Variants in SLC22A15 observed in about 807,000 individuals in gnomAD.
SLC22A15 encodes the protein flipt 1.
A neutral mutation model predicts 62.7 loss-of-function variants in SLC22A15; 45 were observed. The observed-to-expected ratio is 0.72, with a 90% CI of 0.56 to 0.92. The LOEUF (loss-of-function observed/expected upper bound fraction) is 0.92, where lower values mean the gene tolerates loss of function less well. Ranked by LOEUF, SLC22A15 falls within the 40% of genes least tolerant of loss-of-function variation. The pLI is 0.00. For synonymous variants in SLC22A15, 264 were observed against 267.0 expected (o/e 0.99, Z 0.11); for missense variants, 622 against 665.6 (o/e 0.93, Z 0.72).
intron 10 of SLC22A15, 59 bp downstream of exon 10, chr1:116,064,567 C>A: frequency 1.7e-6 from 2 of 1,146,438 alleles, no homozygotes; most frequent in East Asian, 2.3e-5. Flanking sequence ...AATGCTTATG[C>A]TTTTTAGTAG....
chr1:115,990,054 T>C (rs553861978), intron 1 of SLC22A15, among the ~76,000 whole-genome samples: 40 of 152,344 alleles, frequency 2.6e-4, no homozygotes, highest in South Asian at 1.0e-3. Context: ...AAATGGTTCA[T>C]GCTCTCAAAA....
rs1658566591 is a variant in SLC22A15 at position 116,069,395 on chromosome 1, A to G, written c.*2287A>G. On this transcript the variant is annotated 3_prime_UTR_variant, in exon 12 of 12. Transcript: ENST00000369503. ...ATATTTGCATTGATTAAATTATTGG[A>G]AAACTTTTCATTGACAGGTAATGTA... 1 of 152,198 alleles carries G rather than the reference A, an allele frequency of 6.6e-6. No individual in the cohort carries two copies. The highest frequency in any genetic ancestry group is 2.4e-5 in the African/African-American group (1 of 41,466). 9.4% of individuals were successfully genotyped at this position (152,198 alleles called of 1,614,324 possible).
intron 8 of SLC22A15, among the ~76,000 whole-genome samples, chr1:116,047,842 G>A (rs1365216309): frequency 6.6e-6 from 1 of 152,104 alleles, no homozygotes. Context: ...GATACAAGAA[G>A]TGAAGGGAGA....
At chr1:116,005,084 A>G (rs1336403828) in intron 2 of SLC22A15, among the ~76,000 whole-genome samples, 1 of 152,178 alleles carries the variant, frequency 6.6e-6, no homozygotes, top group Non-Finnish European at 1.5e-5. Context: ...CTCAGTCATT[A>G]TAGAGATTTG....
chr1:116,034,544 C>T (rs1408288779), intron 6 of SLC22A15, among the ~76,000 whole-genome samples: 1 of 152,126 alleles, frequency 6.6e-6, no homozygotes, highest in African/African-American at 2.4e-5. Flanking sequence ...CTCGGTTGTT[C>T]CTCCTAGAAG....
At chr1:115,984,290 T>C (rs1654751044) in intron 1 of SLC22A15, among the ~76,000 whole-genome samples, 1 of 152,176 alleles carries the variant, frequency 6.6e-6, no homozygotes, top group Non-Finnish European at 1.5e-5. Flanking sequence ...CTGAGTTTTG[T>C]TTTCATTAAC....
At chr1:116,031,761 T>C (rs1016310625) in intron 6 of SLC22A15, 180 bp downstream of exon 6, 5 of 1,429,130 alleles carry the variant, frequency 3.5e-6, no homozygotes, top group Non-Finnish European at 4.6e-6. Context: ...CAGCCCCGTC[T>C]TTCTCAAGTA....
intron 6 of SLC22A15, among the ~76,000 whole-genome samples, chr1:116,033,101 A>G (rs1657485757): frequency 6.6e-6 from 1 of 152,086 alleles, no homozygotes; most frequent in Non-Finnish European, 1.5e-5. Context: ...CACTCCACAT[A>G]TTGCCGTTCT....
Position 115,992,104 on chromosome 1 carries a change from A to G in SLC22A15, c.161A>G (p.Glu54Gly), listed in dbSNP as rs1413155507. 2 of 1,613,976 alleles carry G rather than the reference A, an allele frequency of 1.2e-6. No individual in the cohort carries two copies. The highest frequency in any genetic ancestry group is 1.1e-5 in the South Asian group (1 of 91,068). ...ATPSYHWDLA[E>G]LLPNQSHGNQ... Reference sequence around the variant, plus strand: ...CCATCCTACCACTGGGACCTGGCAGAGCTCCTGCCAAATCAGAGCCACGGT... The same window carrying G: ...CCATCCTACCACTGGGACCTGGCAGGGCTCCTGCCAAATCAGAGCCACGGT... Residue 54 changes from glutamate (E) to glycine (G), a missense_variant, in exon 2 of 12, where the codon GAG (glutamate) becomes GGG (glycine). Coordinates refer to ENST00000369503, the MANE Select transcript of SLC22A15 (RefSeq NM_018420.3).
chr1:116,047,995 G>A (rs893127354), intron 8 of SLC22A15, among the ~76,000 whole-genome samples: 1 of 152,050 alleles, frequency 6.6e-6, no homozygotes, highest in Non-Finnish European at 1.5e-5. Flanking sequence ...AAAGCTCTAA[G>A]ACAAGGTTTT....
Position 116,068,527 on chromosome 1 carries a change from A to G in SLC22A15, c.*1419A>G, listed in dbSNP as rs1025481730. ...CACTGTATCAGTATGTACCTTTGTA[A>G]TTGTTATTTTTATGTCTTTTATGCC... is the stretch of plus-strand genomic sequence containing the variant. On this transcript the variant is annotated 3_prime_UTR_variant, in exon 12 of 12. Coordinates refer to ENST00000369503, the MANE Select transcript of SLC22A15 (RefSeq NM_018420.3). 6.6e-6 allele frequency: 1 copy of G among 152,180 alleles called. No individual in the cohort carries two copies. The highest frequency in any genetic ancestry group is 6.5e-5 in the Admixed American group (1 of 15,278). 9.4% of individuals were successfully genotyped at this position (152,180 alleles called of 1,614,324 possible).
At chr1:116,051,626 GA>G (rs1557906029) in intron 8 of SLC22A15, among the ~76,000 whole-genome samples, 1 of 152,034 alleles carries the variant, frequency 6.6e-6, no homozygotes, top group African/African-American at 2.4e-5. Context: ...GATAACCTTG[GA>G]AAAACCCTTC....
At position 116,064,339 on chromosome 1, in the gene SLC22A15, C is replaced by T. The variant is rs572302318; in HGVS notation, c.1293-97C>T. ...TGTTCTCTAGGATCCTGTGCTTCCA[C>T]TTCAGGACATGTTATTCAAGGCCCG... is the stretch of plus-strand genomic sequence containing the variant. On this transcript the variant is annotated intron_variant, in intron 9 of 11. Coordinates refer to ENST00000369503, the MANE Select transcript of SLC22A15 (RefSeq NM_018420.3). The T allele has an allele frequency of 6.9e-5, 56 of 812,618 alleles. No homozygotes were observed. The African/African-American group carries it at 8.4e-4, about 12-fold the overall frequency. 50.3% of individuals were successfully genotyped at this position (812,618 alleles called of 1,614,324 possible).
chr1:115,981,240 C>G (rs376981209), intron 1 of SLC22A15, among the ~76,000 whole-genome samples: 1 of 152,250 alleles, frequency 6.6e-6, no homozygotes, highest in East Asian at 1.9e-4. Flanking sequence ...AACTGTCATC[C>G]CCAGGATGTT....
intron 2 of SLC22A15, among the ~76,000 whole-genome samples, chr1:115,992,486 C>T (rs1655200217): frequency 6.6e-6 from 1 of 152,020 alleles, no homozygotes; most frequent in Admixed American, 6.6e-5. Flanking sequence ...ATACAAACTC[C>T]AAAAGAACAG....
intron 2 of SLC22A15, among the ~76,000 whole-genome samples, chr1:116,005,560 T>A (rs1282640014): frequency 6.6e-6 from 1 of 152,212 alleles, no homozygotes; most frequent in Non-Finnish European, 1.5e-5. Context: ...AAAAACTGTC[T>A]TGCAGGCTTG....
chr1:116,012,664 T>C (rs936326803), intron 2 of SLC22A15, among the ~76,000 whole-genome samples: 5 of 152,208 alleles, frequency 3.3e-5, no homozygotes, highest in African/African-American at 1.2e-4. Flanking sequence ...AGATACACGC[T>C]GAAACAAAAG....
chr1:116,052,401 G>A (rs890520574), intron 8 of SLC22A15, among the ~76,000 whole-genome samples: 12 of 152,242 alleles, frequency 7.9e-5, no homozygotes, highest in Non-Finnish European at 5.9e-5. Context: ...CGGGAAGCTC[G>A]AACTGGGTGG....
intron 4 of SLC22A15, among the ~76,000 whole-genome samples, chr1:116,022,227 G>T (rs1356818754): frequency 6.6e-6 from 1 of 152,118 alleles, no homozygotes; most frequent in African/African-American, 2.4e-5. Context: ...AAGCCTTTTT[G>T]GAACTGGTCC....
Sources: gnomAD v4.1 joint callset for allele counts (sites outside exome capture counted in the v4.1 genomes callset) on GRCh38, gnomAD v4.1.1 for gene constraint, MANE v1.5 for transcripts, NCBI Gene and HGNC (gene_info 2026-07-23, HGNC 2026-07-21) for gene names.